SLC1A2: variants seen among roughly 807,000 people sequenced by gnomAD.
SLC1A2 encodes the protein excitatory amino acid transporter 2.
A neutral mutation model predicts 48.8 loss-of-function variants in SLC1A2; 15 were observed. The ratio of observed to expected loss-of-function variants is 0.31; its 90% CI spans 0.21 to 0.47. The LOEUF (loss-of-function observed/expected upper bound fraction) is 0.47. Among genes scored for constraint, SLC1A2 ranks in the 20% least tolerant of loss-of-function variants. SLC1A2 has a pLI of 0.99. For missense variants in SLC1A2, 502 were observed against 730.5 expected, an observed-to-expected ratio of 0.69 and a Z score of 3.61; for synonymous variants, 279 against 272.6, an observed-to-expected ratio of 1.02 and a Z score of -0.23.
intron 1 of SLC1A2, among the ~76,000 whole-genome samples, chr11:35,366,870 T>C (rs1853868678): frequency 6.6e-6 from 1 of 152,146 alleles, no homozygotes. Context: ...GAAGGTACAG[T>C]AAATGCATGC....
At chr11:35,329,729 G>GGAGAA (rs1852367113) in intron 1 of SLC1A2, among the ~76,000 whole-genome samples, 1 of 152,154 alleles carries the variant, frequency 6.6e-6, no homozygotes, top group Admixed American at 6.5e-5. Flanking sequence ...GTGCAGGGCA[G>GGAGAA]CTTATCACTT....
At chr11:35,344,375 G>A (rs1240879902) in intron 1 of SLC1A2, among the ~76,000 whole-genome samples, 1 of 152,196 alleles carries the variant, frequency 6.6e-6, no homozygotes, top group Non-Finnish European at 1.5e-5. Context: ...TTGGGGAAAA[G>A]TATTCTGAGA....
At chr11:35,302,032 T>C (rs1851372157) in intron 5 of SLC1A2, among the ~76,000 whole-genome samples, 1 of 152,208 alleles carries the variant, frequency 6.6e-6, no homozygotes, top group Admixed American at 6.5e-5. Context: ...CATACAAACT[T>C]TGGAGCCAAT....
At chr11:35,268,703 T>TACTTTATAG (rs1850179377) in intron 9 of SLC1A2, among the ~76,000 whole-genome samples, 1 of 151,518 alleles carries the variant, frequency 6.6e-6, no homozygotes, top group Non-Finnish European at 1.5e-5. Flanking sequence ...ACAAAGAATA[T>TACTTTATAG]ACTTTATAGA....
At chr11:35,334,435 A>G (rs572789002) in intron 1 of SLC1A2, among the ~76,000 whole-genome samples, 66 of 152,358 alleles carry the variant, frequency 4.3e-4, no homozygotes, top group Middle Eastern at 3.4e-3. Flanking sequence ...GTGATTTAAC[A>G]GAGCGAATCA....
chr11:35,307,120 G>A (rs1851537186), intron 4 of SLC1A2: 1 of 152,156 alleles, frequency 6.6e-6, no homozygotes, highest in African/African-American at 2.4e-5. Context: ...GCCTTGGCAG[G>A]GGTCAGATCA....
chr11:35,378,850 G>A (rs563190947), intron 1 of SLC1A2, among the ~76,000 whole-genome samples: 23 of 152,318 alleles, frequency 1.5e-4, no homozygotes, highest in East Asian at 1.9e-4. Flanking sequence ...TAGCCAATGC[G>A]GCTAAATGTA....
chr11:35,407,644 A>G (rs1855339710), intron 1 of SLC1A2, among the ~76,000 whole-genome samples: 1 of 152,252 alleles, frequency 6.6e-6, no homozygotes, highest in Non-Finnish European at 1.5e-5. Context: ...GCTCTGGCAA[A>G]GGCCAATGAT....
At chr11:35,355,354 C>G (rs572669917) in intron 1 of SLC1A2, among the ~76,000 whole-genome samples, 9 of 152,332 alleles carry the variant, frequency 5.9e-5, no homozygotes, top group Non-Finnish European at 1.0e-4. Context: ...CCCTTCACAC[C>G]CTCCTACTGC....
chr11:35,394,837 TAA>T (rs1854902287), intron 1 of SLC1A2, among the ~76,000 whole-genome samples: 1 of 152,174 alleles, frequency 6.6e-6, no homozygotes, highest in Non-Finnish European at 1.5e-5. Context: ...CAAGGCACAA[TAA>T]AGACAACTGT....
intron 4 of SLC1A2, among the ~76,000 whole-genome samples, chr11:35,309,497 A>G (rs2134850002): frequency 6.6e-6 from 1 of 152,342 alleles, no homozygotes; most frequent in East Asian, 1.9e-4. Context: ...GTTCAAAGTA[A>G]GCCCCAGAAA....
At position 35,393,974 on chromosome 11, in the gene SLC1A2, C is replaced by T. The variant is rs146975486; in HGVS notation, c.17+24976G>A. 2.0e-3 allele frequency among the ~76,000 whole-genome samples: 299 copies of T among 152,210 alleles called. 1 individual carries two copies. The highest frequency in any genetic ancestry group is 6.8e-3 in the African/African-American group (282 of 41,532). On this transcript the variant is annotated intron_variant, in intron 1 of 10. Coordinates refer to ENST00000278379, the MANE Select transcript of SLC1A2 (RefSeq NM_004171.4). ...ACGGCCCTTGAAGCTCTTCTGTAAC[C>T]ATGATGGAGCATTCTCCAGTCCCCT...
rs904691856 is a variant in SLC1A2 at position 35,384,956 on chromosome 11, A to T, written c.17+33994T>A. On this transcript the variant is annotated intron_variant, in intron 1 of 10. Coordinates refer to ENST00000278379, the MANE Select transcript of SLC1A2 (RefSeq NM_004171.4). ...CCAAAAAGTAACCATCTGCCTAAAT[A>T]TGACACCACTTGTAGAAAGGCAGTT... Among the ~76,000 whole-genome samples, 15 of 152,326 alleles carry T rather than the reference A, an allele frequency of 9.8e-5. No homozygotes were observed. The South Asian group carries it at 3.1e-3, about 32-fold the overall frequency.
intron 9 of SLC1A2, among the ~76,000 whole-genome samples, chr11:35,276,411 G>A (rs1185500443): frequency 6.6e-6 from 1 of 151,264 alleles, no homozygotes; most frequent in East Asian, 1.9e-4. Flanking sequence ...TCTATTATAT[G>A]ATTTCATCAA....
chr11:35,300,650 C>T (rs1414388943), intron 6 of SLC1A2, among the ~76,000 whole-genome samples: 4 of 152,142 alleles, frequency 2.6e-5, no homozygotes, highest in Non-Finnish European at 4.4e-5. Flanking sequence ...ATAAATTACC[C>T]AGTCTAAGGT....
chr11:35,302,602 T>C (rs887403305), intron 5 of SLC1A2, among the ~76,000 whole-genome samples: 6 of 152,150 alleles, frequency 3.9e-5, no homozygotes, highest in Non-Finnish European at 8.8e-5. Flanking sequence ...GTCTTACTTC[T>C]GTGTTGGCTT....
At chr11:35,320,483 AG>A (rs1394047259) in intron 1 of SLC1A2, among the ~76,000 whole-genome samples, 5 of 152,230 alleles carry the variant, frequency 3.3e-5, no homozygotes, top group Non-Finnish European at 5.9e-5. Context: ...ATGTTCAAGA[AG>A]GGGTCCCAGA....
intron 7 of SLC1A2, among the ~76,000 whole-genome samples, chr11:35,289,443 C>T (rs1850927063): frequency 6.7e-6 from 1 of 148,908 alleles, no homozygotes; most frequent in African/African-American, 2.5e-5. Flanking sequence ...ATTAAAACCA[C>T]TTTTTTTTTT....
At chr11:35,336,889 T>TAGA (rs146831975) in intron 1 of SLC1A2, among the ~76,000 whole-genome samples, 3,880 of 152,258 alleles carry the variant, frequency 0.025, 155 homozygotes, top group African/African-American at 0.088. Context: ...ACCCTTGGCC[T>TAGA]AGAACAGTAA....
Sources: gnomAD v4.1 joint callset for allele counts (sites outside exome capture counted in the v4.1 genomes callset) on GRCh38, gnomAD v4.1.1 for gene constraint, MANE v1.5 for transcripts, NCBI Gene and HGNC (gene_info 2026-07-23, HGNC 2026-07-21) for gene names.